ATG2B: variants seen among roughly 807,000 people sequenced by gnomAD.
ATG2B encodes autophagy related 2B.
A neutral mutation model predicts 241.3 loss-of-function variants in ATG2B; 121 were observed. The ratio of observed to expected loss-of-function variants is 0.50; its 90% CI spans 0.43 to 0.58. The LOEUF is 0.58. Among genes scored for constraint, ATG2B ranks in the 20% least tolerant of loss-of-function variants. The probability of loss-of-function intolerance (pLI) is 0.00; values close to 1 mark genes in which losing one functional copy is unlikely to be tolerated. For missense variants in ATG2B, 2,306 were observed against 2,491.6 expected, an observed-to-expected ratio of 0.93 and a Z score of 1.59; for synonymous variants, 858 against 876.6, an observed-to-expected ratio of 0.98 and a Z score of 0.37.
intron 29 of ATG2B, 97 bp from the exon 30 acceptor site, chr14:96,307,013 T>C: frequency 2.1e-6 from 2 of 963,812 alleles, no homozygotes; most frequent in Non-Finnish European, 1.5e-6. Flanking sequence ...TGCTTTTACC[T>C]GCAATATCTC....
In ATG2B at chr14:96,319,723, T is replaced by C. The variant is rs1443514794; in HGVS notation, c.2880-1868A>G. On this transcript the variant is annotated intron_variant, in intron 18 of 41. Transcript: ENST00000359933. Reference sequence around the variant, plus strand: ...CCAGTTAATGTAGAATGTCCTTGTATGTGGGAAATATGCATTCAAGTACTA... The same window carrying C: ...CCAGTTAATGTAGAATGTCCTTGTACGTGGGAAATATGCATTCAAGTACTA... Among the ~76,000 whole-genome samples the C allele has an allele frequency of 2.0e-5, 3 of 152,230 alleles. No homozygotes were observed. The East Asian group carries it at 5.8e-4, about 29-fold the overall frequency.
intron 34 of ATG2B, among the ~76,000 whole-genome samples, chr14:96,298,433 T>C (rs557686950): frequency 5.9e-5 from 9 of 152,350 alleles, no homozygotes; most frequent in Admixed American, 3.9e-4. Context: ...TATGTATTTA[T>C]TCAACCAAGA....
chr14:96,324,898 A>T (rs1263706903), intron 15 of ATG2B, among the ~76,000 whole-genome samples: 2 of 151,996 alleles, frequency 1.3e-5, no homozygotes, highest in East Asian at 1.9e-4. Flanking sequence ...AACTATTCTC[A>T]TGAGGGGTGG....
At position 96,290,624 on chromosome 14, in the gene ATG2B, C is replaced by G; in HGVS notation, c.5702-34G>C. ...GTCAACACAAAATCAACATCAGTGC[C>G]ACAGTTCAGACTTTTCTATCATTCT... is the stretch of plus-strand genomic sequence containing the variant. On this transcript the variant is annotated intron_variant, in intron 39 of 41. Transcript: ENST00000359933. The surrounding 1 kb of genome is among the most constrained non-coding windows in gnomAD (Gnocchi z 4.4). 6.2e-7 allele frequency: 1 copy of G among 1,611,336 alleles called. No homozygotes were observed. The highest frequency in any genetic ancestry group is 8.5e-7 in the Non-Finnish European group (1 of 1,178,258).
rs1887676477 is a variant in ATG2B at position 96,329,561 on chromosome 14, T to C, written c.1804A>G (p.Met602Val). The change falls in exon 12 of 42, where the codon ATG becomes GTG. Residue 602 changes from methionine to valine, a missense_variant. Transcript: ENST00000359933. ...RSASRYFSTD[M>V]SIGQMEFLEC... Reference sequence around the variant, plus strand: ...AAAAATTCCATTTGCCCAATGGACATATCAGTACTAAAATATCGGGAAGCT... The same window carrying C: ...AAAAATTCCATTTGCCCAATGGACACATCAGTACTAAAATATCGGGAAGCT... 6 of 1,611,392 alleles carry C rather than the reference T, an allele frequency of 3.7e-6. No homozygotes were observed. Among genetic ancestry groups the C allele is most frequent in the African/African-American group, 2.7e-5 (2 of 74,852 alleles).
rs137960093 is a variant in ATG2B, at chr14:96,310,038, T to C, written c.4162-444A>G. On this transcript the variant is annotated intron_variant, in intron 28 of 41. Coordinates refer to ENST00000359933, the MANE Select transcript of ATG2B (RefSeq NM_018036.7). ...GGGGGCACACACAGCAGGGGAAATA[T>C]ACTAAACGGTGATTCAGAGCTCAGT... 1.1e-3 allele frequency among the ~76,000 whole-genome samples: 168 copies of C among 152,252 alleles called. 1 individual carries two copies. The highest frequency in any genetic ancestry group is 1.7e-3 in the Admixed American group (26 of 15,290).
chr14:96,308,219 A>AAT (rs1204291663), intron 29 of ATG2B, among the ~76,000 whole-genome samples: 3 of 74,032 alleles, frequency 4.1e-5, no homozygotes, highest in Admixed American at 1.8e-4. Flanking sequence ...TAAATACATA[A>AAT]ATATATATAT....
At chr14:96,335,967 T>C (rs1887858825) in intron 6 of ATG2B, among the ~76,000 whole-genome samples, 1 of 152,058 alleles carries the variant, frequency 6.6e-6, no homozygotes, top group South Asian at 2.1e-4. Context: ...TTTGAAAATA[T>C]AAAAGAACAT....
At position 96,343,192 on chromosome 14, in the gene ATG2B, G is replaced by A; in HGVS notation, c.671C>T (p.Ser224Phe). 6.2e-7 allele frequency: 1 copy of A among 1,609,736 alleles called. No homozygotes were observed. Among genetic ancestry groups the A allele is most frequent in the African/African-American group, 1.3e-5 (1 of 74,944 alleles). The change falls in exon 5 of 42, where the codon TCT becomes TTT. Residue 224 changes from serine (S) to phenylalanine (F), a missense_variant. Coordinates refer to ENST00000359933, the MANE Select transcript of ATG2B (RefSeq NM_018036.7). ...CTCATCCCAGAAGAGAGACACTCCAGAGAGCTGAAGTAACTTGTGAGCAAA... is the reference window on the plus strand; with the variant it reads ...CTCATCCCAGAAGAGAGACACTCCAAAGAGCTGAAGTAACTTGTGAGCAAA... ...TAFAHKLLQLSGVSLFWDEFS... is the reference protein window; with the variant it reads ...TAFAHKLLQLFGVSLFWDEFS...
intron 11 of ATG2B, among the ~76,000 whole-genome samples, 167 bp downstream of exon 11, chr14:96,331,209 C>G (rs186411709): frequency 6.9e-4 from 105 of 152,360 alleles, no homozygotes; most frequent in African/African-American, 2.5e-3. Flanking sequence ...AACACCTTTG[C>G]AGCACTGCAA....
At chr14:96,360,426 T>C (rs1214644136) in intron 1 of ATG2B, among the ~76,000 whole-genome samples, 1 of 152,260 alleles carries the variant, frequency 6.6e-6, no homozygotes, top group Non-Finnish European at 1.5e-5. Flanking sequence ...TGTTCCATGA[T>C]TTTGTTGCTG....
intron 6 of ATG2B, among the ~76,000 whole-genome samples, chr14:96,336,183 A>C (rs1469966122): frequency 6.6e-6 from 1 of 152,038 alleles, no homozygotes; most frequent in African/African-American, 2.4e-5. Flanking sequence ...GAAATCTTTC[A>C]TAACATTTTG....
intron 1 of ATG2B, among the ~76,000 whole-genome samples, chr14:96,351,596 C>T (rs962960483): frequency 1.3e-5 from 2 of 152,084 alleles, no homozygotes; most frequent in African/African-American, 4.8e-5. Context: ...ATTAGCCAGG[C>T]ATGGTGGCCC....
At position 96,311,547 on chromosome 14, in the gene ATG2B, C is replaced by T. The variant is rs766538309; in HGVS notation, c.3985G>A (p.Glu1329Lys). 1 of 1,600,072 alleles carries T rather than the reference C, an allele frequency of 6.2e-7. No individual in the cohort carries two copies. Among genetic ancestry groups the T allele is most frequent in the Non-Finnish European group, 8.5e-7 (1 of 1,170,348 alleles). The change falls in exon 27 of 42, where the codon GAG (glutamate) becomes AAG (lysine). Residue 1329 changes from glutamate (E) to lysine (K), a missense_variant. Coordinates refer to ENST00000359933, the MANE Select transcript of ATG2B (RefSeq NM_018036.7). ...CATTTATTTTAATAACTCACTTGCT[C>T]TCCATCAGAATCAGACTTCACTGCA... The part of the protein sequence containing the change: ...ITAVKSDSDG[E>K]QTEPRFELHC...
chr14:96,307,164 C>G (rs1886973247), intron 29 of ATG2B, among the ~76,000 whole-genome samples: 1 of 152,154 alleles, frequency 6.6e-6, no homozygotes, highest in Non-Finnish European at 1.5e-5. Context: ...GTAATCCCAG[C>G]ACTTTAGAAG....
rs77922391 is a variant in ATG2B, at chr14:96,294,871, A to G, written c.5426+89T>C. ...TGGCAGTGCAAAGAAAAGCTGACGG[A>G]ACCTCATGATTACCAGCACACATAC... On this transcript the variant is annotated intron_variant, in intron 36 of 41. Coordinates refer to ENST00000359933, the MANE Select transcript of ATG2B (RefSeq NM_018036.7). 1.9e-3 allele frequency: 2,306 copies of G among 1,183,398 alleles called. 43 individuals are homozygous for G. The African/African-American group carries it at 0.031, about 16-fold the overall frequency. The allele number at this position is 1,183,398 out of a possible 1,614,324, so 73.3% of individuals were successfully genotyped here. A position where few individuals can be genotyped will look rare whatever the true frequency, so the allele number is the denominator to read the frequency against.
rs758790039 is a variant in ATG2B, at chr14:96,315,219, C to T, written c.3577G>A (p.Val1193Ile). Residue 1193 changes from valine to isoleucine, a missense_variant, in exon 23 of 42, where the codon GTA becomes ATA. By Grantham distance (29) the Val-to-Ile change is conservative. Transcript: ENST00000359933. ...TGGAGAGTGGCTCCTTTCAGTCCTA[C>T]GGCAATGAGAAATTCCTATACAGAA... ...ESNTKEFLIAVGLKGATLQHR... is the reference protein window; with the variant it reads ...ESNTKEFLIAIGLKGATLQHR... The T allele has an allele frequency of 2.0e-5, 32 of 1,613,780 alleles. No homozygotes were observed. The highest frequency in any genetic ancestry group is 1.6e-4 in the Middle Eastern group (1 of 6,084).
intron 25 of ATG2B, among the ~76,000 whole-genome samples, chr14:96,312,460 G>A (rs1238440229): frequency 6.6e-6 from 1 of 152,114 alleles, no homozygotes; most frequent in Non-Finnish European, 1.5e-5. Context: ...AGATAGAGTG[G>A]GCCAGATGTA....
chr14:96,349,839 G>A (rs1266095814), intron 1 of ATG2B, among the ~76,000 whole-genome samples: 1 of 152,130 alleles, frequency 6.6e-6, no homozygotes, highest in African/African-American at 2.4e-5. Flanking sequence ...GAGCCATCTG[G>A]GTGGGAGATA....
Sources: gnomAD v4.1 joint callset for allele counts (sites outside exome capture counted in the v4.1 genomes callset) on GRCh38, gnomAD v4.1.1 for gene constraint, Gnocchi (gnomAD v3.1) non-coding constraint, MANE v1.5 for transcripts, NCBI Gene and HGNC (gene_info 2026-07-23, HGNC 2026-07-21) for gene names.